Variants in ASXL2 observed in about 807,000 individuals in gnomAD.
ASXL2 encodes the protein ASXL transcriptional regulator 2, also known as putative Polycomb group protein ASXL2.
Under a neutral mutation model 122.0 loss-of-function variants are expected in ASXL2, and 23 were observed. That is an observed-to-expected ratio of 0.19 (90% CI 0.14 to 0.27). The LOEUF (loss-of-function observed/expected upper bound fraction) is 0.27. Among genes scored for constraint, ASXL2 ranks in the 10% least tolerant of loss-of-function variants. The pLI, the probability that ASXL2 is intolerant of heterozygous loss-of-function variation, is 1.00. For synonymous variants in ASXL2, 650 were observed against 637.0 expected (o/e 1.02, Z -0.31); for missense variants, 1,518 against 1,713.8 (o/e 0.89, Z 2.02).
At chr2:25,753,321 T>C (rs2088078091) in intron 11 of ASXL2, among the ~76,000 whole-genome samples, 1 of 151,400 alleles carries the variant, frequency 6.6e-6, no homozygotes, top group South Asian at 2.1e-4. Flanking sequence ...AAGGGTAAAG[T>C]ATGATGAGTA....
Position 25,737,901 on chromosome 2 carries a change from A to T in ASXL2, c.*4128T>A, listed in dbSNP as rs1204640749. 4 of 152,234 alleles carry T rather than the reference A, an allele frequency of 2.6e-5. No individual in the cohort carries two copies. The highest frequency in any genetic ancestry group is 4.4e-5 in the Non-Finnish European group (3 of 68,036). The allele number at this position is 152,234 out of a possible 1,614,324, so 9.4% of individuals were successfully genotyped here. A position where few individuals can be genotyped will look rare whatever the true frequency, so the allele number is the denominator to read the frequency against. ...TCCAATGTTAACAATTCCTTTAAAA[A>T]GGCAAAAGACACAAAAGTTTAGCAT... On this transcript the variant is annotated 3_prime_UTR_variant, in exon 13 of 13. Transcript: ENST00000435504.
chr2:25,788,686 A>G (rs1290582251), intron 5 of ASXL2, among the ~76,000 whole-genome samples: 1 of 152,164 alleles, frequency 6.6e-6, no homozygotes, highest in African/African-American at 2.4e-5. Context: ...TTCTGTGGTC[A>G]CTAACGGAAT....
At chr2:25,803,303 CCT>C (rs1280513179) in intron 4 of ASXL2, among the ~76,000 whole-genome samples, 1 of 152,178 alleles carries the variant, frequency 6.6e-6, no homozygotes, top group Non-Finnish European at 1.5e-5. Context: ...TTTGTAATAT[CCT>C]TTATAATAAA....
intron 12 of ASXL2, among the ~76,000 whole-genome samples, chr2:25,747,389 T>C (rs1229505131): frequency 1.3e-5 from 2 of 152,238 alleles, no homozygotes; most frequent in Non-Finnish European, 2.9e-5. Context: ...GGTTTTGTTC[T>C]GTTATAAATT....
chr2:25,767,859 T>A, intron 7 of ASXL2, 133 bp from the exon 8 acceptor site: 1 of 1,042,040 alleles, frequency 9.6e-7, no homozygotes, highest in Non-Finnish European at 1.4e-6. Flanking sequence ...GTTTTGAGTT[T>A]GAAAATTAAA....
At chr2:25,809,716 A>C (rs1574427719) in intron 3 of ASXL2, among the ~76,000 whole-genome samples, 1 of 152,348 alleles carries the variant, frequency 6.6e-6, no homozygotes, top group African/African-American at 2.4e-5. Flanking sequence ...ACATTCCCTT[A>C]AGTGTTGTTC....
intron 5 of ASXL2, among the ~76,000 whole-genome samples, chr2:25,779,632 T>C (rs1045825967): frequency 6.6e-6 from 1 of 152,212 alleles, no homozygotes. Context: ...TCACAATAAC[T>C]TGTCTACGTC....
chr2:25,817,543 T>C (rs1249567730), intron 3 of ASXL2, among the ~76,000 whole-genome samples: 1 of 152,190 alleles, frequency 6.6e-6, no homozygotes, highest in African/African-American at 2.4e-5. Flanking sequence ...CTGATTAATT[T>C]AATTTGGGTA....
chr2:25,865,729 C>T (rs1254810663), intron 1 of ASXL2, among the ~76,000 whole-genome samples: 13 of 129,516 alleles, frequency 1.0e-4, no homozygotes, highest in South Asian at 2.5e-4. Context: ...GAGCCGAGAT[C>T]GCGCCACTGG....
rs1559510304 is a variant in ASXL2, at chr2:25,784,100, T to TAA, written c.404-12562_404-12561dup. On this transcript the variant is annotated intron_variant, in intron 5 of 12. Transcript: ENST00000435504. ...AAATAAATAAATAAATAAATAAATATAAAGTTAGCCAGGTGCGGTGGCGTG... is the reference window on the plus strand; with the variant it reads ...AAATAAATAAATAAATAAATAAATATAAAAAGTTAGCCAGGTGCGGTGGCGTG... 2.6e-4 allele frequency among the ~76,000 whole-genome samples: 33 copies of TAA among 124,550 alleles called. No homozygotes were observed. In the East Asian group the frequency reaches 6.8e-3, roughly 26 times the overall value. The allele number at this position is 124,550 out of a possible 152,430, so 81.7% of individuals were successfully genotyped here.
rs2087706849 is a variant in ASXL2, at chr2:25,734,688, A to AT, written c.*7340dup. 1 of 152,216 alleles carries AT rather than the reference A, an allele frequency of 6.6e-6. No homozygotes were observed. 9.4% of individuals were successfully genotyped at this position (152,216 alleles called of 1,614,324 possible). A position where few individuals can be genotyped will look rare whatever the true frequency, so the allele number is the denominator to read the frequency against. On this transcript the variant is annotated 3_prime_UTR_variant, in exon 13 of 13. Transcript: ENST00000435504. ...AAAAGTATTGACTCAAGTTGGTCTAATATAGTGTTTAGGAAGCCAAGTTCC... is the reference window on the plus strand; with the variant it reads ...AAAAGTATTGACTCAAGTTGGTCTAATTATAGTGTTTAGGAAGCCAAGTTCC...
chr2:25,778,746 T>C (rs1393814206), intron 5 of ASXL2, among the ~76,000 whole-genome samples: 2 of 152,232 alleles, frequency 1.3e-5, no homozygotes, highest in Non-Finnish European at 2.9e-5. Context: ...TCCACCCATA[T>C]GTGACAGCTT....
At position 25,733,887 on chromosome 2, in the gene ASXL2, G is replaced by C. The variant is rs2087687643; in HGVS notation, c.*8142C>G. On this transcript the variant is annotated 3_prime_UTR_variant, in exon 13 of 13. Transcript: ENST00000435504. ...CAATGAAACAGCCTAAAAGTGACAG[G>C]AAAGAAGACAATAGTGAGGAGCTAA... 1 of 152,188 alleles carries C rather than the reference G, an allele frequency of 6.6e-6. No individual in the cohort carries two copies. The highest frequency in any genetic ancestry group is 6.5e-5 in the Admixed American group (1 of 15,272). 9.4% of individuals were successfully genotyped at this position (152,188 alleles called of 1,614,324 possible). A position where few individuals can be genotyped will look rare whatever the true frequency, so the allele number is the denominator to read the frequency against.
intron 2 of ASXL2, among the ~76,000 whole-genome samples, chr2:25,836,373 T>C (rs1454400499): frequency 6.6e-6 from 1 of 152,206 alleles, no homozygotes; most frequent in Non-Finnish European, 1.5e-5. Flanking sequence ...CAATTCAGCT[T>C]GGCAAATAAT....
intron 3 of ASXL2, among the ~76,000 whole-genome samples, chr2:25,812,920 C>T (rs138170233): frequency 7.2e-5 from 11 of 152,144 alleles, no homozygotes; most frequent in African/African-American, 1.4e-4. Flanking sequence ...ATTATTACAC[C>T]GTTTTTACAA....
intron 11 of ASXL2, 86 bp from the exon 12 acceptor site, chr2:25,750,499 A>G: frequency 2.5e-6 from 3 of 1,200,174 alleles, no homozygotes; most frequent in Non-Finnish European, 3.5e-6. Context: ...GGAAGATGAC[A>G]ATGCCTAGGA....
chr2:25,758,491 G>A (rs1438660229), intron 9 of ASXL2, among the ~76,000 whole-genome samples: 1 of 152,086 alleles, frequency 6.6e-6, no homozygotes, highest in African/African-American at 2.4e-5. Context: ...AATTGTAATT[G>A]TTCTATCTTC....
chr2:25,857,543 A>G (rs937944970), intron 1 of ASXL2, among the ~76,000 whole-genome samples: 1 of 152,222 alleles, frequency 6.6e-6, no homozygotes, highest in African/African-American at 2.4e-5. Flanking sequence ...AGACTAAGGC[A>G]GGCACTCTCC....
At chr2:25,800,650 C>T (rs1179086478) in intron 4 of ASXL2, among the ~76,000 whole-genome samples, 2 of 152,048 alleles carry the variant, frequency 1.3e-5, no homozygotes, top group African/African-American at 2.4e-5. Context: ...AGTTCCAAGA[C>T]CAAAGACTAG....
Sources: gnomAD v4.1 joint callset for allele counts (sites outside exome capture counted in the v4.1 genomes callset) on GRCh38, gnomAD v4.1.1 for gene constraint, MANE v1.5 for transcripts, NCBI Gene and HGNC (gene_info 2026-07-23, HGNC 2026-07-21) for gene names.